The following VPS26A variants were observed in gnomAD, a reference collection of about 807,000 sequenced individuals.
VPS26A encodes the protein VPS26 retromer complex component A, also known as vacuolar protein sorting-associated protein 26A.
VPS26A carries 22 observed loss-of-function variants against 42.4 expected under a neutral mutation model. The ratio of observed to expected loss-of-function variants is 0.52; its 90% CI spans 0.37 to 0.74. The LOEUF is 0.74. VPS26A is among the 30% of genes least tolerant of loss of function. The probability of loss-of-function intolerance (pLI) is 0.00; values close to 1 mark genes in which losing one functional copy is unlikely to be tolerated. For missense variants in VPS26A, 276 were observed against 379.2 expected (o/e 0.73, Z 2.26); for synonymous variants, 110 against 123.5 (o/e 0.89, Z 0.73).
In VPS26A at chr10:69,149,747, T is replaced by G. The variant is rs1236267916; in HGVS notation, c.154-6065T>G. Among the ~76,000 whole-genome samples the G allele has an allele frequency of 7.0e-4, 95 of 135,714 alleles. 1 individual carries two copies. The highest frequency in any genetic ancestry group is 2.1e-3 in the African/African-American group (75 of 34,964). 89.0% of individuals were successfully genotyped at this position (135,714 alleles called of 152,430 possible). A position where few individuals can be genotyped will look rare whatever the true frequency, so the allele number is the denominator to read the frequency against. Reference sequence around the variant, plus strand: ...TTGGTGTTTTTTGTTTTTTTTTTTTTTTTTTTTTTTTTTTTTTGAGATGGA... The same window carrying G: ...TTGGTGTTTTTTGTTTTTTTTTTTTGTTTTTTTTTTTTTTTTTGAGATGGA... On this transcript the variant is annotated intron_variant, in intron 2 of 8. Coordinates refer to ENST00000263559, the MANE Select transcript of VPS26A (RefSeq NM_004896.5).
In VPS26A at chr10:69,158,061, T is replaced by C; in HGVS notation, c.401T>C (p.Val134Ala). 2 of 1,602,162 alleles carry C rather than the reference T, an allele frequency of 1.2e-6. No individual in the cohort carries two copies. Among genetic ancestry groups the C allele is most frequent in the Non-Finnish European group, 1.7e-6 (2 of 1,176,526 alleles). Reference sequence around the variant, plus strand: ...TAACTTTGTAGGTATTTTCTTAAAGTGACAATAGTGAGAAGACTGACAGAT... The same window carrying C: ...TAACTTTGTAGGTATTTTCTTAAAGCGACAATAGTGAGAAGACTGACAGAT... ...ANVRLRYFLK[V>A]TIVRRLTDLV... The change falls in exon 5 of 9, where the codon GTG (valine) becomes GCG (alanine). Residue 134 changes from valine to alanine, a missense_variant. Val to Ala is a moderately conservative substitution (Grantham distance 64). Coordinates refer to ENST00000263559, the MANE Select transcript of VPS26A (RefSeq NM_004896.5).
chr10:69,157,296 CT>C, intron 4 of VPS26A, 133 bp downstream of exon 4: 2 of 1,178,314 alleles, frequency 1.7e-6, no homozygotes, highest in Non-Finnish European at 2.3e-6. Context: ...CTGTCACATA[CT>C]TTGGCTAATG....
chr10:69,157,284 TTC>T, intron 4 of VPS26A, 121 bp downstream of exon 4: 1 of 1,282,816 alleles, frequency 7.8e-7, no homozygotes, highest in South Asian at 1.7e-5. Context: ...TTTTTAAAAA[TTC>T]TGTCACATAC....
chr10:69,162,755 A>G (rs1205342426), intron 6 of VPS26A, among the ~76,000 whole-genome samples: 1 of 152,222 alleles, frequency 6.6e-6, no homozygotes, highest in East Asian at 1.9e-4. Flanking sequence ...ATAAAATGTA[A>G]AAGAGTATAC....
At position 69,158,341 on chromosome 10, in the gene VPS26A, G is replaced by A. The variant is rs1188397299; in HGVS notation, c.551+130G>A. On this transcript the variant is annotated intron_variant, in intron 5 of 8. Transcript: ENST00000263559. ...GTTAACAAATCAACAGGATCTCTGA[G>A]CTAAAAGAAATTTTAGGAGTTTGGT... The A allele has an allele frequency of 5.0e-6, 4 of 794,094 alleles. No individual in the cohort carries two copies. The African/African-American group carries it at 7.2e-5, about 14-fold the overall frequency. The allele number at this position is 794,094 out of a possible 1,614,324, so 49.2% of individuals were successfully genotyped here. A position where few individuals can be genotyped will look rare whatever the true frequency, so the allele number is the denominator to read the frequency against.
At chr10:69,144,673 G>A (rs2132207647) in intron 2 of VPS26A, among the ~76,000 whole-genome samples, 1 of 150,184 alleles carries the variant, frequency 6.7e-6, no homozygotes, top group African/African-American at 2.5e-5. Context: ...TTGTTTATCC[G>A]TTTACCTACT....
chr10:69,167,421 C>T (rs1362649636), intron 7 of VPS26A, among the ~76,000 whole-genome samples: 1 of 122,662 alleles, frequency 8.2e-6, no homozygotes, highest in Admixed American at 9.2e-5. Flanking sequence ...GAGATCCTGC[C>T]TCAAAAAAAA....
intron 2 of VPS26A, among the ~76,000 whole-genome samples, chr10:69,143,377 C>T (rs1008132860): frequency 2.6e-5 from 4 of 152,112 alleles, no homozygotes; most frequent in Non-Finnish European, 5.9e-5. Context: ...GCATGAAAAT[C>T]TTTCATATAT....
intron 1 of VPS26A, among the ~76,000 whole-genome samples, chr10:69,129,510 A>AT (rs1191129308): frequency 6.6e-6 from 1 of 151,814 alleles, no homozygotes; most frequent in Non-Finnish European, 1.5e-5. Flanking sequence ...GTTATTTGTA[A>AT]TTTTGCCAGA....
At chr10:69,125,910 A>T (rs1229135112) in intron 1 of VPS26A, among the ~76,000 whole-genome samples, 1 of 152,192 alleles carries the variant, frequency 6.6e-6, no homozygotes, top group Non-Finnish European at 1.5e-5. Flanking sequence ...GCTAATTGGT[A>T]ATGCTCAATA....
intron 1 of VPS26A, among the ~76,000 whole-genome samples, chr10:69,131,792 T>C (rs990898079): frequency 6.6e-6 from 1 of 152,188 alleles, no homozygotes. Flanking sequence ...TAGGATGACA[T>C]GATAGGAGAC....
chr10:69,157,080 G>A lies in VPS26A; in HGVS notation c.303G>A (p.Leu101=). ...LVKELALPGE[L]TQSRSYDFEF... ...AAGAACTAGCCTTACCTGGAGAACT[G>A]ACTCAGAGCAGAAGTTATGATTTTG... is the stretch of plus-strand genomic sequence containing the variant. Residue 101 remains leucine, a synonymous_variant, in exon 4 of 9, where the codon CTG becomes CTA. Coordinates refer to ENST00000263559, the MANE Select transcript of VPS26A (RefSeq NM_004896.5). 5.0e-6 allele frequency: 8 copies of A among 1,613,602 alleles called. No individual in the cohort carries two copies. The highest frequency in any genetic ancestry group is 6.8e-6 in the Non-Finnish European group (8 of 1,179,718).
chr10:69,125,432 A>G (rs1423936386), intron 1 of VPS26A, among the ~76,000 whole-genome samples: 2 of 152,230 alleles, frequency 1.3e-5, no homozygotes, highest in Admixed American at 1.3e-4. Flanking sequence ...GGAGAGATAA[A>G]CATTTATTTG....
intron 2 of VPS26A, among the ~76,000 whole-genome samples, chr10:69,137,130 T>A (rs1383721281): frequency 1.3e-5 from 2 of 152,212 alleles, no homozygotes; most frequent in Admixed American, 1.3e-4. Context: ...TTCCTTATCT[T>A]CCAAAGGTGT....
intron 2 of VPS26A, among the ~76,000 whole-genome samples, chr10:69,141,584 A>G (rs547920252): frequency 1.3e-5 from 2 of 152,362 alleles, no homozygotes; most frequent in South Asian, 4.1e-4. Flanking sequence ...ATATTTGAGC[A>G]GTGCCTGTAT....
intron 5 of VPS26A, among the ~76,000 whole-genome samples, chr10:69,159,560 G>T (rs1473671458): frequency 6.6e-6 from 1 of 152,058 alleles, no homozygotes; most frequent in African/African-American, 2.4e-5. Flanking sequence ...ATATTCTGTT[G>T]TTAACAGTGG....
intron 2 of VPS26A, among the ~76,000 whole-genome samples, chr10:69,145,724 TTC>T (rs1841144475): frequency 1.2e-5 from 1 of 82,278 alleles, no homozygotes; most frequent in African/African-American, 2.7e-5. Flanking sequence ...CTTTTTTCTT[TTC>T]TTTTTTTTTT....
chr10:69,133,555 C>T lies in VPS26A; in HGVS notation c.153+508C>T, dbSNP rs563244176. ...AGGTACTCTGTAGAGGACTTGAGTA[C>T]TTTTGGGATGTGTCTATGCATGGTC... is the stretch of plus-strand genomic sequence containing the variant. On this transcript the variant is annotated intron_variant, in intron 2 of 8. Transcript: ENST00000263559. The T allele has an allele frequency of 3.1e-4, 406 of 1,289,446 alleles. 5 individuals carry two copies. In the South Asian group the frequency reaches 4.8e-3, roughly 15 times the overall value. The allele number at this position is 1,289,446 out of a possible 1,614,324, so 79.9% of individuals were successfully genotyped here.
At chr10:69,158,339 G>A (rs1841478325) in intron 5 of VPS26A, 128 bp downstream of exon 5, 5 of 793,172 alleles carry the variant, frequency 6.3e-6, no homozygotes, top group Non-Finnish European at 9.0e-6. Context: ...CAGGATCTCT[G>A]AGCTAAAAGA....
Sources: allele counts gnomAD v4.1 joint callset (sites outside exome capture counted in the v4.1 genomes callset), GRCh38; gene constraint gnomAD v4.1.1; transcripts MANE v1.5; gene names NCBI Gene and HGNC (gene_info 2026-07-23, HGNC 2026-07-21).